ZNF148: variants seen among roughly 807,000 people sequenced by gnomAD.
ZNF148 encodes zinc finger protein 148.
Under a neutral mutation model 67.7 loss-of-function variants are expected in ZNF148, and 7 were observed. The observed-to-expected ratio is 0.10, with a 90% CI of 0.06 to 0.19. The LOEUF (loss-of-function observed/expected upper bound fraction) is 0.19, where lower values mean the gene tolerates loss of function less well. Among genes scored for constraint, ZNF148 ranks in the 10% least tolerant of loss-of-function variants. The pLI is 1.00. For missense variants in ZNF148, 583 were observed against 947.1 expected (o/e 0.62, Z 5.05); for synonymous variants, 333 against 330.7 (o/e 1.01, Z -0.08).
chr3:125,328,849 C>T (rs1055633516), intron 2 of ZNF148, among the ~76,000 whole-genome samples: 1 of 152,064 alleles, frequency 6.6e-6, no homozygotes, highest in Non-Finnish European at 1.5e-5. Flanking sequence ...TTGACACTAG[C>T]TAGTGTTGTC....
intron 7 of ZNF148, among the ~76,000 whole-genome samples, chr3:125,236,162 TC>T (rs1340508631): frequency 6.6e-6 from 1 of 152,150 alleles, no homozygotes; most frequent in Admixed American, 6.5e-5. Context: ...AGATTATATT[TC>T]TTTAGGTCAG....
intron 3 of ZNF148, among the ~76,000 whole-genome samples, chr3:125,322,936 T>C (rs1403766183): frequency 6.6e-6 from 1 of 152,200 alleles, no homozygotes; most frequent in Non-Finnish European, 1.5e-5. Context: ...GACTAACATG[T>C]CTAACTTTCC....
At chr3:125,344,719 C>G in intron 1 of ZNF148, 1 of 587,100 alleles carries the variant, frequency 1.7e-6, no homozygotes, top group Admixed American at 2.3e-5. Flanking sequence ...CACTTCAGTG[C>G]CAGTTTCCAT....
chr3:125,245,525 T>A (rs1402944807), intron 7 of ZNF148, among the ~76,000 whole-genome samples: 2 of 152,240 alleles, frequency 1.3e-5, no homozygotes, highest in Non-Finnish European at 2.9e-5. Flanking sequence ...GAGAATGGAC[T>A]AATACAATCT....
intron 1 of ZNF148, among the ~76,000 whole-genome samples, chr3:125,349,956 A>G (rs369959364): frequency 6.6e-6 from 1 of 152,234 alleles, no homozygotes; most frequent in Non-Finnish European, 1.5e-5. Flanking sequence ...TTGTATGAAC[A>G]ACCATTATCC....
At chr3:125,355,080 C>G (rs541157709) in intron 1 of ZNF148, among the ~76,000 whole-genome samples, 74 of 152,272 alleles carry the variant, frequency 4.9e-4, no homozygotes, top group African/African-American at 1.7e-3. Flanking sequence ...ATGTCTTCAT[C>G]TACATACTGA....
chr3:125,248,892 CT>C (rs1424127365), intron 7 of ZNF148, among the ~76,000 whole-genome samples: 1 of 152,182 alleles, frequency 6.6e-6, no homozygotes, highest in African/African-American at 2.4e-5. Context: ...ACGAAGTGTT[CT>C]GCTGCAAGAG....
At chr3:125,267,677 A>G (rs1207798939) in intron 7 of ZNF148, among the ~76,000 whole-genome samples, 8 of 152,202 alleles carry the variant, frequency 5.3e-5, no homozygotes, top group Non-Finnish European at 1.2e-4. Flanking sequence ...CAAGACAAGG[A>G]CGCCTATTCT....
At chr3:125,253,631 T>C (rs946628512) in intron 7 of ZNF148, among the ~76,000 whole-genome samples, 6 of 152,198 alleles carry the variant, frequency 3.9e-5, no homozygotes, top group African/African-American at 1.4e-4. Flanking sequence ...ATGTTACTAA[T>C]AGGAAGATGT....
chr3:125,262,838 A>G (rs1352686281), intron 7 of ZNF148, among the ~76,000 whole-genome samples: 1 of 152,226 alleles, frequency 6.6e-6, no homozygotes, highest in Non-Finnish European at 1.5e-5. Context: ...GAAGTTCACT[A>G]TTGACACTAT....
chr3:125,277,645 G>A (rs1938145612), intron 7 of ZNF148, 81 bp downstream of exon 7: 2 of 1,170,042 alleles, frequency 1.7e-6, no homozygotes, highest in East Asian at 2.5e-5. Flanking sequence ...ATGGCAGCAA[G>A]TCACTGCCAC....
At chr3:125,275,960 T>C (rs775876098) in intron 7 of ZNF148, among the ~76,000 whole-genome samples, 2 of 152,224 alleles carry the variant, frequency 1.3e-5, no homozygotes, top group Admixed American at 6.5e-5. Context: ...AATAGTATCT[T>C]GAGAATTTTG....
At chr3:125,354,562 T>C (rs1942274469) in intron 1 of ZNF148, among the ~76,000 whole-genome samples, 1 of 152,236 alleles carries the variant, frequency 6.6e-6, no homozygotes, top group Non-Finnish European at 1.5e-5. Context: ...TTTCTAAAAT[T>C]AACTAGGGGG....
At chr3:125,284,040 A>G (rs570527573) in intron 5 of ZNF148, among the ~76,000 whole-genome samples, 1 of 152,340 alleles carries the variant, frequency 6.6e-6, no homozygotes, top group East Asian at 1.9e-4. Flanking sequence ...ATAAATGAAA[A>G]GAGAGATACA....
chr3:125,276,848 C>T (rs1415098258), intron 7 of ZNF148, among the ~76,000 whole-genome samples: 1 of 152,126 alleles, frequency 6.6e-6, no homozygotes, highest in African/African-American at 2.4e-5. Flanking sequence ...ACAAACTGTC[C>T]TTTCACAAAT....
chr3:125,271,577 T>C (rs1446016862), intron 7 of ZNF148, among the ~76,000 whole-genome samples: 1 of 152,234 alleles, frequency 6.6e-6, no homozygotes, highest in African/African-American at 2.4e-5. Context: ...TAGATTGTTA[T>C]TTACCAGTTA....
intron 1 of ZNF148, among the ~76,000 whole-genome samples, chr3:125,360,287 G>GAA (rs1942496369): frequency 3.3e-5 from 5 of 151,582 alleles, no homozygotes. Context: ...CAGGGTTTTT[G>GAA]TATTTTTTTG....
intron 5 of ZNF148, among the ~76,000 whole-genome samples, chr3:125,287,503 T>G (rs1435094379): frequency 1.3e-5 from 2 of 152,116 alleles, no homozygotes; most frequent in South Asian, 4.1e-4. Context: ...GCCAGGCATG[T>G]TGGCACATGC....
At chr3:125,276,656 A>G (rs964737017) in intron 7 of ZNF148, among the ~76,000 whole-genome samples, 1 of 151,878 alleles carries the variant, frequency 6.6e-6, no homozygotes, top group African/African-American at 2.4e-5. Flanking sequence ...CTGGTATCGA[A>G]CTCCCGACCT....
Sources: gnomAD v4.1 joint callset for allele counts (sites outside exome capture counted in the v4.1 genomes callset) on GRCh38, gnomAD v4.1.1 for gene constraint, MANE v1.5 for transcripts, NCBI Gene and HGNC (gene_info 2026-07-23, HGNC 2026-07-21) for gene names.